THSD7A: variants seen among roughly 807,000 people sequenced by gnomAD.
The protein encoded by THSD7A is thrombospondin type 1 domain containing 7A.
Under a neutral mutation model 231.3 loss-of-function variants are expected in THSD7A, and 96 were observed. The observed-to-expected ratio is 0.41, with a 90% CI of 0.35 to 0.49. THSD7A has a LOEUF of 0.49. THSD7A is among the 20% of genes least tolerant of loss of function. The probability of loss-of-function intolerance (pLI) is 0.05; values close to 1 mark genes in which losing one functional copy is unlikely to be tolerated. For missense variants in THSD7A, 2,290 were observed against 2,070.2 expected (o/e 1.11, Z -2.06); for synonymous variants, 940 against 743.3 (o/e 1.26, Z -4.30).
intron 1 of THSD7A, among the ~76,000 whole-genome samples, chr7:11,770,979 A>C (rs1371978252): frequency 6.6e-6 from 1 of 151,476 alleles, no homozygotes; most frequent in Non-Finnish European, 1.5e-5. Flanking sequence ...AATATTCATG[A>C]ATTTTTTGAT....
At chr7:11,431,356 T>G (rs183560909) in intron 13 of THSD7A, among the ~76,000 whole-genome samples, 3 of 152,288 alleles carry the variant, frequency 2.0e-5, no homozygotes, top group Admixed American at 6.5e-5. Context: ...GTATGTTTCA[T>G]TTTGAGTGAA....
chr7:11,775,814 T>C (rs183841784), intron 1 of THSD7A, among the ~76,000 whole-genome samples: 2 of 152,196 alleles, frequency 1.3e-5, no homozygotes, highest in African/African-American at 4.8e-5. Context: ...CAATAAAAAA[T>C]GGTTAAAGTA....
At chr7:11,746,456 G>T (rs6950525) in intron 1 of THSD7A, among the ~76,000 whole-genome samples, 4,038 of 151,786 alleles carry the variant, frequency 0.027, 200 homozygotes, top group African/African-American at 0.093. Flanking sequence ...ATTTCTTTAG[G>T]ATAATCTAAA....
At chr7:11,756,666 G>T (rs1224114527) in intron 1 of THSD7A, among the ~76,000 whole-genome samples, 1 of 152,062 alleles carries the variant, frequency 6.6e-6, no homozygotes, top group African/African-American at 2.4e-5. Context: ...GATAGGGCAA[G>T]TAGGTTGCAT....
chr7:11,674,503 C>G (rs919114057), intron 1 of THSD7A, among the ~76,000 whole-genome samples: 16 of 152,080 alleles, frequency 1.1e-4, no homozygotes, highest in African/African-American at 3.6e-4. Flanking sequence ...CTGAATTACA[C>G]CACATAACAA....
Position 11,379,176 on chromosome 7 carries a change from C to T in THSD7A, c.4695G>A (p.Glu1565=), listed in dbSNP as rs779826834. The change falls in exon 26 of 28, where the codon GAG becomes GAA. Residue 1565 remains glutamate, a synonymous_variant. Coordinates refer to ENST00000423059, the MANE Select transcript of THSD7A (RefSeq NM_015204.3). Reference sequence around the variant, plus strand: ...TGGTTTTCACATCTCCTCTTTTGTCCTCCATGGTGGGTAATACCACCACGG... The same window carrying T: ...TGGTTTTCACATCTCCTCTTTTGTCTTCCATGGTGGGTAATACCACCACGG... ...LIPVVVLPTM[E]DKRGDVKTSR... 4 of 1,613,676 alleles carry T rather than the reference C, an allele frequency of 2.5e-6. 1 individual carries two copies. Among genetic ancestry groups the T allele is most frequent in the South Asian group, 2.2e-5 (2 of 91,086 alleles).
At chr7:11,743,943 T>C (rs1782192284) in intron 1 of THSD7A, among the ~76,000 whole-genome samples, 1 of 151,918 alleles carries the variant, frequency 6.6e-6, no homozygotes, top group African/African-American at 2.4e-5. Flanking sequence ...AATTAGCACT[T>C]ACCACGTTCT....
chr7:11,524,477 C>G (rs995528509), intron 6 of THSD7A, among the ~76,000 whole-genome samples: 2 of 152,126 alleles, frequency 1.3e-5, no homozygotes, highest in African/African-American at 4.8e-5. Flanking sequence ...TTTCAACGAA[C>G]CTTTAAGTTG....
intron 1 of THSD7A, among the ~76,000 whole-genome samples, chr7:11,646,186 T>A (rs1436205325): frequency 2.6e-5 from 4 of 152,076 alleles, no homozygotes; most frequent in African/African-American, 9.6e-5. Flanking sequence ...TCTATTAAAA[T>A]TTTAAAAAGA....
chr7:11,570,983 G>T (rs1790604379), intron 4 of THSD7A, among the ~76,000 whole-genome samples: 1 of 152,130 alleles, frequency 6.6e-6, no homozygotes, highest in Non-Finnish European at 1.5e-5. Context: ...TCTTGATGAA[G>T]TCCTCAGAGG....
chr7:11,406,832 T>A lies in THSD7A; in HGVS notation c.4062+78A>T. The A allele has an allele frequency of 6.7e-7, 1 of 1,503,712 alleles. No individual in the cohort carries two copies. Among genetic ancestry groups the A allele is most frequent in the Non-Finnish European group, 9.0e-7 (1 of 1,111,648 alleles). 93.1% of individuals were successfully genotyped at this position (1,503,712 alleles called of 1,614,324 possible). A position where few individuals can be genotyped will look rare whatever the true frequency, so the allele number is the denominator to read the frequency against. ...AGCTCTGAAACATATTTCTAACACATTATTTTTATGTTTTTCTGCAGATGA... is the reference window on the plus strand; with the variant it reads ...AGCTCTGAAACATATTTCTAACACAATATTTTTATGTTTTTCTGCAGATGA... On this transcript the variant is annotated intron_variant, in intron 21 of 27. Coordinates refer to ENST00000423059, the MANE Select transcript of THSD7A (RefSeq NM_015204.3). This position sits in a 1 kb window ranked among gnomAD's most constrained non-coding sequence, Gnocchi z 4.7.
At chr7:11,431,637 A>G (rs191263489) in intron 13 of THSD7A, among the ~76,000 whole-genome samples, 52 of 152,154 alleles carry the variant, frequency 3.4e-4, no homozygotes, top group African/African-American at 1.2e-3. Flanking sequence ...GAGTCTTCCT[A>G]TTTCGTTTTT....
At chr7:11,499,172 T>C (rs560357147) in intron 6 of THSD7A, among the ~76,000 whole-genome samples, 5 of 152,204 alleles carry the variant, frequency 3.3e-5, no homozygotes, top group African/African-American at 1.2e-4. Flanking sequence ...AGGCGGTCAG[T>C]CCAACTCCTG....
At chr7:11,520,469 A>G (rs1026452885) in intron 6 of THSD7A, among the ~76,000 whole-genome samples, 1 of 152,166 alleles carries the variant, frequency 6.6e-6, no homozygotes, top group Non-Finnish European at 1.5e-5. Context: ...TTTCTTGACA[A>G]TTATCTCTTA....
At chr7:11,532,256 C>A (rs1433555730) in intron 6 of THSD7A, among the ~76,000 whole-genome samples, 1 of 152,078 alleles carries the variant, frequency 6.6e-6, no homozygotes, top group Non-Finnish European at 1.5e-5. Context: ...GCAAAGCCAA[C>A]ACAGAAACTA....
chr7:11,624,284 C>T (rs1238561773), intron 2 of THSD7A, among the ~76,000 whole-genome samples: 4 of 152,044 alleles, frequency 2.6e-5, no homozygotes, highest in Non-Finnish European at 4.4e-5. Flanking sequence ...CCCTCCAATC[C>T]ATTCTGCATA....
At chr7:11,551,985 C>T (rs1294175123) in intron 4 of THSD7A, among the ~76,000 whole-genome samples, 10 of 151,770 alleles carry the variant, frequency 6.6e-5, no homozygotes, top group Non-Finnish European at 1.5e-5. Flanking sequence ...AAATGTGGTA[C>T]AAAAAAAGAA....
chr7:11,787,302 T>C (rs187264524), intron 1 of THSD7A, among the ~76,000 whole-genome samples: 12 of 152,096 alleles, frequency 7.9e-5, no homozygotes, highest in Admixed American at 6.6e-4. Flanking sequence ...TGCAAAACTA[T>C]AAAACTCTAG....
chr7:11,573,877 T>A lies in THSD7A; in HGVS notation c.1453+16583A>T, dbSNP rs1035654640. 2.6e-5 allele frequency among the ~76,000 whole-genome samples: 4 copies of A among 152,334 alleles called. No individual in the cohort carries two copies. In the East Asian group the frequency reaches 7.7e-4, roughly 29 times the overall value. On this transcript the variant is annotated intron_variant, in intron 4 of 27. Transcript: ENST00000423059. ...TGAACACATTATGTGTCACCTATTC[T>A]GTTAATATCTTTCCCCTAAGTAGTT... is the stretch of plus-strand genomic sequence containing the variant.
Sources: allele counts gnomAD v4.1 joint callset (sites outside exome capture counted in the v4.1 genomes callset), GRCh38; gene constraint gnomAD v4.1.1; non-coding constraint Gnocchi (gnomAD v3.1); transcripts MANE v1.5; gene names NCBI Gene and HGNC (gene_info 2026-07-23, HGNC 2026-07-21).